The following ARB2A variants were observed in gnomAD, a reference collection of about 807,000 sequenced individuals.
ARB2A encodes the protein ARB2 cotranscriptional regulator A.
chr5:93,880,234 G>A, the ARB2A span, among the ~76,000 whole-genome samples: 1 of 151,546 alleles, frequency 6.6e-6, no homozygotes, highest in Admixed American at 6.6e-5. Flanking sequence ...TACATTTTTG[G>A]GGTCTTGGGA....
the ARB2A span, among the ~76,000 whole-genome samples, chr5:93,788,269 G>A: frequency 1.3e-5 from 2 of 152,040 alleles, no homozygotes; most frequent in Non-Finnish European, 2.9e-5. Flanking sequence ...TTAACTAACA[G>A]TGACAAGACG....
At chr5:93,776,205 G>T in the ARB2A span, 1 of 1,612,082 alleles carries the variant, frequency 6.2e-7, no homozygotes. Flanking sequence ...CCACTGATGT[G>T]TCTAATGGTT....
At chr5:94,072,314 C>A in the ARB2A span, among the ~76,000 whole-genome samples, 1 of 151,834 alleles carries the variant, frequency 6.6e-6, no homozygotes, top group Non-Finnish European at 1.5e-5. Context: ...CATGGTTGCA[C>A]AACACAATAC....
chr5:93,865,550 G>C, the ARB2A span: 1 of 985,234 alleles, frequency 1.0e-6, no homozygotes, highest in Non-Finnish European at 1.2e-6. Context: ...CAGGTATCTT[G>C]AAAGTACTAA....
chr5:93,781,388 T>C, the ARB2A span, among the ~76,000 whole-genome samples: 1 of 152,188 alleles, frequency 6.6e-6, no homozygotes, highest in Non-Finnish European at 1.5e-5. Flanking sequence ...TATATATCTA[T>C]ATACATATAT....
the ARB2A span, among the ~76,000 whole-genome samples, chr5:93,757,974 A>G: frequency 6.6e-6 from 1 of 152,154 alleles, no homozygotes; most frequent in Non-Finnish European, 1.5e-5. Context: ...AGAACTCACC[A>G]ACCAACTATC....
the ARB2A span, among the ~76,000 whole-genome samples, chr5:93,656,079 G>A: frequency 6.6e-6 from 1 of 152,166 alleles, no homozygotes. Flanking sequence ...CTCACACAGA[G>A]AGGCATGCAA....
At chr5:94,069,764 T>A in the ARB2A span, among the ~76,000 whole-genome samples, 2 of 152,078 alleles carry the variant, frequency 1.3e-5, no homozygotes, top group Non-Finnish European at 2.9e-5. Flanking sequence ...TTAGAATGGC[T>A]ATTATTAAAA....
At chr5:93,664,636 T>A in the ARB2A span, among the ~76,000 whole-genome samples, 37,786 of 144,860 alleles carry the variant, frequency 0.26, 5,630 homozygotes, top group African/African-American at 0.41. Context: ...GTCTCAAAAA[T>A]ATATATATAT....
At chr5:94,055,624 T>C in the ARB2A span, 3 of 985,144 alleles carry the variant, frequency 3.0e-6, no homozygotes, top group Non-Finnish European at 3.6e-6. Flanking sequence ...AAGGGACATA[T>C]GTTGACAATT....
At chr5:94,059,892 C>A in the ARB2A span, among the ~76,000 whole-genome samples, 1 of 151,980 alleles carries the variant, frequency 6.6e-6, no homozygotes, top group Non-Finnish European at 1.5e-5. Flanking sequence ...AAGAAAAGTT[C>A]TTTGGGTTGA....
the ARB2A span, among the ~76,000 whole-genome samples, chr5:93,789,869 C>T: frequency 1.6e-4 from 24 of 152,186 alleles, no homozygotes; most frequent in Non-Finnish European, 3.4e-4. Flanking sequence ...TAGGCACTAG[C>T]ACCTCTAGTG....
chr5:94,111,536 C>G, the ARB2A span: 1 of 152,324 alleles, frequency 6.6e-6, no homozygotes, highest in Non-Finnish European at 1.5e-5. Flanking sequence ...AGCCACAGGG[C>G]TGAGGGGGCA....
At chr5:93,704,101 T>C in the ARB2A span, among the ~76,000 whole-genome samples, 1 of 152,134 alleles carries the variant, frequency 6.6e-6, no homozygotes, top group African/African-American at 2.4e-5. Context: ...AAGGCAAAGG[T>C]TACCTGCTAG....
At chr5:93,856,810 T>G in the ARB2A span, among the ~76,000 whole-genome samples, 3 of 152,072 alleles carry the variant, frequency 2.0e-5, no homozygotes, top group African/African-American at 7.2e-5. Flanking sequence ...TCCAGCTTTG[T>G]TCCGTTACTG....
chr5:93,733,049 ACTTT>A, the ARB2A span, among the ~76,000 whole-genome samples: 1 of 152,096 alleles, frequency 6.6e-6, no homozygotes, highest in Non-Finnish European at 1.5e-5. Flanking sequence ...TATAATTTTA[ACTTT>A]CTATCATGTT....
At chr5:94,094,672 T>TTAGAGAAAGAAAGAAG in the ARB2A span, among the ~76,000 whole-genome samples, 2 of 152,104 alleles carry the variant, frequency 1.3e-5, no homozygotes, top group Non-Finnish European at 2.9e-5. Context: ...TTGTCCCAAA[T>TTAGAGAAAGAAAGAAG]TAGAGAAAGA....
chr5:93,914,620 T>C, the ARB2A span, among the ~76,000 whole-genome samples: 3 of 151,878 alleles, frequency 2.0e-5, no homozygotes, highest in South Asian at 2.1e-4. Flanking sequence ...CAGAAATACA[T>C]AGAAGCAGAA....
chr5:93,912,270 C>T, the ARB2A span, among the ~76,000 whole-genome samples: 1 of 151,676 alleles, frequency 6.6e-6, no homozygotes, highest in Admixed American at 6.6e-5. Flanking sequence ...TCATAATTTG[C>T]TTGCTCCCAA....
Sources: gnomAD v4.1 joint callset for allele counts (sites outside exome capture counted in the v4.1 genomes callset) on GRCh38, gnomAD v4.1.1 for gene constraint, MANE v1.5 for transcripts, NCBI Gene and HGNC (gene_info 2026-07-23, HGNC 2026-07-21) for gene names.